PARD3B: variants seen among roughly 807,000 people sequenced by gnomAD.
PARD3B encodes the protein par-3 family cell polarity regulator beta.
PARD3B carries 103 observed loss-of-function variants against 130.2 expected under a neutral mutation model. The observed-to-expected ratio is 0.79, with a 90% CI of 0.67 to 0.93. The LOEUF (loss-of-function observed/expected upper bound fraction) is 0.93. Among genes scored for constraint, PARD3B ranks in the 40% least tolerant of loss-of-function variants. The pLI, the probability that PARD3B is intolerant of heterozygous loss-of-function variation, is 0.00. For synonymous variants in PARD3B, 583 were observed against 553.2 expected (o/e 1.05, Z -0.76); for missense variants, 1,609 against 1,499.2 (o/e 1.07, Z -1.21).
rs190459840 is a variant in PARD3B, at chr2:205,280,256, A to C, written c.2186-20274A>C. On this transcript the variant is annotated intron_variant, in intron 16 of 22. Transcript: ENST00000406610. This position sits in a 1 kb window ranked among gnomAD's most constrained non-coding sequence, Gnocchi z 4.7. ...GAAAAATAACATTAACAGGTTATTAAACTGTTTGTCACCAAAGAAAAGTAG... is the reference window on the plus strand; with the variant it reads ...GAAAAATAACATTAACAGGTTATTACACTGTTTGTCACCAAAGAAAAGTAG... Among the ~76,000 whole-genome samples, 58 of 152,314 alleles carry C rather than the reference A, an allele frequency of 3.8e-4. 1 individual carries two copies. The East Asian group carries it at 8.7e-3, about 23-fold the overall frequency.
intron 3 of PARD3B, among the ~76,000 whole-genome samples, chr2:205,039,816 G>A (rs1364144326): frequency 1.3e-5 from 2 of 152,184 alleles, no homozygotes; most frequent in East Asian, 1.9e-4. Flanking sequence ...TTGAAGAGGT[G>A]TTATTCCCCT....
intron 20 of PARD3B, among the ~76,000 whole-genome samples, chr2:205,476,851 T>G (rs1322474685): frequency 1.3e-5 from 2 of 152,218 alleles, no homozygotes; most frequent in Non-Finnish European, 2.9e-5. Context: ...TTTCTTCATG[T>G]GTGTATGTGT....
intron 21 of PARD3B, among the ~76,000 whole-genome samples, chr2:205,520,513 G>A (rs908108474): frequency 1.3e-5 from 2 of 148,632 alleles, no homozygotes; most frequent in African/African-American, 2.4e-5. Flanking sequence ...AGCTCGGGCC[G>A]GGGGTGGCTG....
chr2:205,497,427 A>ATTTTTTTT (rs3077795), intron 20 of PARD3B, among the ~76,000 whole-genome samples: 2 of 123,706 alleles, frequency 1.6e-5, no homozygotes, highest in Non-Finnish European at 1.6e-5. Flanking sequence ...TTTACTCACC[A>ATTTTTTTT]TTTTTTTTTT....
intron 1 of PARD3B, among the ~76,000 whole-genome samples, chr2:204,672,284 G>A (rs2036342830): frequency 6.6e-6 from 1 of 152,280 alleles, no homozygotes; most frequent in Admixed American, 6.5e-5. Context: ...CCCATGTAAA[G>A]AATATTTAAA....
At chr2:205,133,555 A>G (rs1189997813) in intron 10 of PARD3B, among the ~76,000 whole-genome samples, 1 of 152,230 alleles carries the variant, frequency 6.6e-6, no homozygotes, top group Non-Finnish European at 1.5e-5. Context: ...TATAAAGAAC[A>G]TGAAGCCTGT....
chr2:204,649,786 A>G (rs2035413711), intron 1 of PARD3B, among the ~76,000 whole-genome samples: 1 of 152,202 alleles, frequency 6.6e-6, no homozygotes, highest in Admixed American at 6.5e-5. Context: ...AAAGACTTAA[A>G]TGTAAAATCC....
At chr2:204,851,419 G>A (rs2044702058) in intron 2 of PARD3B, among the ~76,000 whole-genome samples, 1 of 152,132 alleles carries the variant, frequency 6.6e-6, no homozygotes, top group Non-Finnish European at 1.5e-5. Context: ...AATGAGTAGA[G>A]TACTGTTAAA....
intron 20 of PARD3B, among the ~76,000 whole-genome samples, chr2:205,444,575 A>G (rs886383192): frequency 3.9e-5 from 6 of 152,224 alleles, no homozygotes; most frequent in Non-Finnish European, 7.3e-5. Context: ...CCCGTAGACA[A>G]TGGGAGCCAC....
intron 16 of PARD3B, among the ~76,000 whole-genome samples, chr2:205,296,875 T>C (rs1416556935): frequency 1.4e-5 from 2 of 146,352 alleles, no homozygotes; most frequent in Admixed American, 6.6e-5. Flanking sequence ...TAACATCTTT[T>C]TAAAAAAAAA....
chr2:205,408,457 C>T (rs951426828), intron 19 of PARD3B, among the ~76,000 whole-genome samples: 1 of 152,074 alleles, frequency 6.6e-6, no homozygotes, highest in Non-Finnish European at 1.5e-5. Context: ...GTTTATCCAA[C>T]ATTTGTTCAT....
rs1227068007 is a variant in PARD3B at position 205,281,697 on chromosome 2, A to G, written c.2186-18833A>G. ...ATAACCTGCACTCGGAAGGCAGGCA[A>G]CTGTTTTGTATCAATCAGCAAATCA... is the stretch of plus-strand genomic sequence containing the variant. On this transcript the variant is annotated intron_variant, in intron 16 of 22. Coordinates refer to ENST00000406610, the MANE Select transcript of PARD3B (RefSeq NM_001302769.2). The surrounding 1 kb of genome is among the most constrained non-coding windows in gnomAD (Gnocchi z 4.2). Among the ~76,000 whole-genome samples, 1 of 152,216 alleles carries G rather than the reference A, an allele frequency of 6.6e-6. No individual in the cohort carries two copies. The highest frequency in any genetic ancestry group is 2.4e-5 in the African/African-American group (1 of 41,454).
chr2:205,006,935 A>G (rs1408496437), intron 3 of PARD3B, among the ~76,000 whole-genome samples: 2 of 152,082 alleles, frequency 1.3e-5, no homozygotes, highest in Admixed American at 6.6e-5. Flanking sequence ...TAGAATTTTT[A>G]TGGTTTTATG....
At chr2:205,581,305 T>C (rs1292399014) in intron 22 of PARD3B, among the ~76,000 whole-genome samples, 2 of 148,186 alleles carry the variant, frequency 1.3e-5, no homozygotes, top group East Asian at 3.9e-4. Flanking sequence ...TATAGATAGA[T>C]AGATAGATCC....
intron 3 of PARD3B, among the ~76,000 whole-genome samples, chr2:204,996,374 C>T (rs1694178814): frequency 6.6e-6 from 1 of 152,114 alleles, no homozygotes; most frequent in Non-Finnish European, 1.5e-5. Flanking sequence ...CTGGGGGGTG[C>T]CTCCCAGTTA....
intron 22 of PARD3B, among the ~76,000 whole-genome samples, chr2:205,581,649 G>A (rs1481832733): frequency 6.6e-6 from 1 of 150,726 alleles, no homozygotes; most frequent in Non-Finnish European, 1.5e-5. Flanking sequence ...TGCTTGAGGT[G>A]GTGGATACCT....
rs1484517830 is a variant in PARD3B at position 204,907,682 on chromosome 2, TAA to T, written c.223-57468_223-57467del. 6.6e-6 allele frequency among the ~76,000 whole-genome samples: 1 copy of T among 152,082 alleles called. No individual in the cohort carries two copies. Among genetic ancestry groups the T allele is most frequent in the East Asian group, 1.9e-4 (1 of 5,192 alleles). On this transcript the variant is annotated intron_variant, in intron 2 of 22. Transcript: ENST00000406610. The surrounding 1 kb of genome is among the most constrained non-coding windows in gnomAD (Gnocchi z 5.7). ...ATGTTACTTCATGGGCTTGTTTCTA[TAA>T]AGAGTGGTTTTTTTGTCTTGTTTTG...
At chr2:204,870,978 G>A (rs1224361885) in intron 2 of PARD3B, among the ~76,000 whole-genome samples, 1 of 151,972 alleles carries the variant, frequency 6.6e-6, no homozygotes, top group Non-Finnish European at 1.5e-5. Flanking sequence ...AAAGATTTAT[G>A]CTTTTTAATT....
chr2:205,414,853 A>T (rs1053630827), intron 19 of PARD3B, among the ~76,000 whole-genome samples: 13 of 152,118 alleles, frequency 8.5e-5, no homozygotes, highest in African/African-American at 3.1e-4. Context: ...GCACTTAAAG[A>T]TATTTTCAGA....
Sources: allele counts gnomAD v4.1 joint callset (sites outside exome capture counted in the v4.1 genomes callset), GRCh38; gene constraint gnomAD v4.1.1; non-coding constraint Gnocchi (gnomAD v3.1); transcripts MANE v1.5; gene names NCBI Gene and HGNC (gene_info 2026-07-23, HGNC 2026-07-21).